OTOGL: variants seen among roughly 807,000 people sequenced by gnomAD.
The protein encoded by OTOGL is otogelin like.
OTOGL carries 285 observed loss-of-function variants against 318.5 expected under a neutral mutation model. That is an observed-to-expected ratio of 0.89 (90% confidence interval 0.81 to 0.99). The LOEUF is 0.99. OTOGL is among the 50% of genes least tolerant of loss of function. OTOGL has a pLI of 0.00. For missense variants in OTOGL, 2,899 were observed against 2,845.6 expected, an observed-to-expected ratio of 1.02 and a Z score of -0.43; for synonymous variants, 987 against 936.5, an observed-to-expected ratio of 1.05 and a Z score of -0.99.
chr12:80,333,102 G>A (rs1464403920), intron 38 of OTOGL, 24 bp downstream of exon 38: 2 of 1,548,642 alleles, frequency 1.3e-6, no homozygotes, highest in Non-Finnish European at 1.8e-6. Context: ...ATATCTTCCA[G>A]CTCTTTGTCA....
At position 80,252,133 on chromosome 12, in the gene OTOGL, C is replaced by T; in HGVS notation, c.1217C>T (p.Thr406Ile). ...GACTGTATCAGTTGTTGTCCACCAA[C>T]CTGCACATTTGAGAAGCAATGTCTT... is the stretch of plus-strand genomic sequence containing the variant. ...HRDCISCCPP[T>I]CTFEKQCLGS... Residue 406 changes from threonine to isoleucine, a missense_variant, in exon 13 of 59, where the codon ACC (threonine) becomes ATC (isoleucine). Thr to Ile is a moderately conservative substitution (Grantham distance 89). This residue lies in a region of OTOGL where 2,607 missense variants were observed against 2,524.9 expected (regional missense o/e 1.03). Transcript: ENST00000547103. 6.4e-7 allele frequency: 1 copy of T among 1,574,294 alleles called. No individual in the cohort carries two copies. Among genetic ancestry groups the T allele is most frequent in the Non-Finnish European group, 8.6e-7 (1 of 1,157,784 alleles).
intron 29 of OTOGL, among the ~76,000 whole-genome samples, chr12:80,308,662 T>A (rs1886407012): frequency 1.3e-5 from 2 of 152,150 alleles, no homozygotes; most frequent in African/African-American, 4.8e-5. Context: ...GCCACTGCAC[T>A]CCAGCCTGGG....
intron 46 of OTOGL, among the ~76,000 whole-genome samples, chr12:80,354,755 T>TTTGG (rs1248472842): frequency 6.6e-6 from 1 of 152,156 alleles, no homozygotes; most frequent in African/African-American, 2.4e-5. Flanking sequence ...ATCTATGAGA[T>TTTGG]TTGGTTTGAT....
intron 1 of OTOGL, among the ~76,000 whole-genome samples, chr12:80,105,790 T>A (rs550228154): frequency 1.3e-5 from 2 of 152,122 alleles, no homozygotes; most frequent in South Asian, 4.1e-4. Context: ...CATGACTACA[T>A]TTAAATAACT....
At chr12:80,194,645 GT>G (rs1191873883) in intron 1 of OTOGL, among the ~76,000 whole-genome samples, 10 of 152,006 alleles carry the variant, frequency 6.6e-5, no homozygotes. Context: ...ATGAGAAAAA[GT>G]TTTCCATTAT....
intron 1 of OTOGL, among the ~76,000 whole-genome samples, chr12:80,206,431 C>CT (rs1320078685): frequency 6.6e-6 from 1 of 152,158 alleles, no homozygotes; most frequent in Non-Finnish European, 1.5e-5. Flanking sequence ...GGAAGAGGAG[C>CT]AGAGAGAAGA....
chr12:80,315,776 G>T (rs1032320537), intron 32 of OTOGL, among the ~76,000 whole-genome samples: 1 of 152,136 alleles, frequency 6.6e-6, no homozygotes, highest in East Asian at 1.9e-4. Context: ...AAGTTTGATA[G>T]AGGAGGAAAA....
At chr12:80,223,235 T>C (rs1878519023) in intron 7 of OTOGL, among the ~76,000 whole-genome samples, 1 of 151,870 alleles carries the variant, frequency 6.6e-6, no homozygotes, top group Admixed American at 6.6e-5. Context: ...TATGGCTGAG[T>C]AGTATTCCAT....
chr12:80,320,425 T>C lies in OTOGL; in HGVS notation c.3806T>C (p.Leu1269Ser). The change falls in exon 34 of 59, where the codon TTA becomes TCA. Residue 1269 changes from leucine to serine, a missense_variant. Leu to Ser is a moderately radical substitution (Grantham distance 145). Coordinates refer to ENST00000547103, the MANE Select transcript of OTOGL (RefSeq NM_001378609.3). ...CACACTGCTCTATATTTTACAGCAT[T>C]AGCACTTGTTTCCTTGGAATCTGCT... ...PGLFKEKVSS[L>S]ALVSLESAER... 1 of 1,611,010 alleles carries C rather than the reference T, an allele frequency of 6.2e-7. No individual in the cohort carries two copies. The highest frequency in any genetic ancestry group is 8.5e-7 in the Non-Finnish European group (1 of 1,177,980).
chr12:80,160,063 GATTCTCATCTCTC>G, intron 1 of OTOGL, among the ~76,000 whole-genome samples: 1 of 152,054 alleles, frequency 6.6e-6, no homozygotes. Context: ...AAAGAAACTG[GATTCTCATCTCTC>G]ATTTTATACA....
intron 1 of OTOGL, among the ~76,000 whole-genome samples, chr12:80,126,317 C>A (rs1230710487): frequency 2.0e-5 from 3 of 152,082 alleles, no homozygotes; most frequent in Non-Finnish European, 2.9e-5. Context: ...CATTCAGGAG[C>A]AGGTTGTTCA....
intron 1 of OTOGL, among the ~76,000 whole-genome samples, chr12:80,110,394 C>G (rs951344556): frequency 6.6e-6 from 1 of 152,078 alleles, no homozygotes; most frequent in Non-Finnish European, 1.5e-5. Flanking sequence ...CTAATGCTAT[C>G]CCTCCCCTTG....
chr12:80,130,040 T>C (rs1592477188), intron 1 of OTOGL, among the ~76,000 whole-genome samples: 3 of 152,344 alleles, frequency 2.0e-5, no homozygotes, highest in Non-Finnish European at 4.4e-5. Flanking sequence ...TATCTCCTTT[T>C]TTTTCTTCTG....
chr12:80,265,170 C>T lies in OTOGL; in HGVS notation c.2184C>T (p.His728=), dbSNP rs948273927. The change falls in exon 20 of 59, where the codon CAC becomes CAT. Residue 728 remains histidine, a synonymous_variant. Coordinates refer to ENST00000547103, the MANE Select transcript of OTOGL (RefSeq NM_001378609.3). ...ACTATGCCTACCTCTGCGGCCAGCA[C>T]GGTGTTCCCATTGATTTCAGAACTC... The part of the protein sequence containing the change: ...LAHYAYLCGQ[H]GVPIDFRTQI... 43 of 1,613,682 alleles carry T rather than the reference C, an allele frequency of 2.7e-5. No homozygotes were observed. Among genetic ancestry groups the T allele is most frequent in the Admixed American group, 1.3e-4 (8 of 59,884 alleles).
At chr12:80,178,520 T>C (rs1323916151) in intron 1 of OTOGL, among the ~76,000 whole-genome samples, 1 of 152,172 alleles carries the variant, frequency 6.6e-6, no homozygotes, top group East Asian at 1.9e-4. Flanking sequence ...ATATAAACTC[T>C]AGATGCCTTG....
chr12:80,125,598 G>C (rs1471537505), intron 1 of OTOGL, among the ~76,000 whole-genome samples: 1 of 152,170 alleles, frequency 6.6e-6, no homozygotes, highest in South Asian at 2.1e-4. Flanking sequence ...GTTTGGAATA[G>C]TTTCAGAAGG....
At chr12:80,296,205 T>C (rs1885384365) in intron 26 of OTOGL, among the ~76,000 whole-genome samples, 2 of 152,216 alleles carry the variant, frequency 1.3e-5, no homozygotes, top group South Asian at 4.1e-4. Flanking sequence ...ACTCTGATCC[T>C]CCTCTTAATT....
At chr12:80,149,998 A>G (rs1026026017) in intron 1 of OTOGL, among the ~76,000 whole-genome samples, 1 of 152,216 alleles carries the variant, frequency 6.6e-6, no homozygotes, top group Non-Finnish European at 1.5e-5. Context: ...ATGGAAATGC[A>G]GAAATCACCC....
chr12:80,252,061 G>A lies in OTOGL; in HGVS notation c.1160-15G>A. On this transcript the variant is annotated splice_polypyrimidine_tract_variant and intron_variant, in intron 12 of 58. Coordinates refer to ENST00000547103, the MANE Select transcript of OTOGL (RefSeq NM_001378609.3). ...TAATAAAATTGACTTAAGCTCCCCT[G>A]TTTGTCTGTTTTAGCTGATAAATGT... The A allele has an allele frequency of 6.6e-7, 1 of 1,516,384 alleles. No individual in the cohort carries two copies. Among genetic ancestry groups the A allele is most frequent in the Admixed American group, 2.1e-5 (1 of 47,012 alleles). The allele number at this position is 1,516,384 out of a possible 1,614,324, so 93.9% of individuals were successfully genotyped here. A position where few individuals can be genotyped will look rare whatever the true frequency, so the allele number is the denominator to read the frequency against.
Sources: allele counts gnomAD v4.1 joint callset (sites outside exome capture counted in the v4.1 genomes callset), GRCh38; gene constraint gnomAD v4.1.1; regional missense constraint gnomAD v4.1.1; transcripts MANE v1.5; gene names NCBI Gene and HGNC (gene_info 2026-07-23, HGNC 2026-07-21).